Variants in CSMD1 observed in about 807,000 individuals in gnomAD.
The protein encoded by CSMD1 is CUB and sushi domain-containing protein 1.
CSMD1 carries 213 observed loss-of-function variants against 417.5 expected under a neutral mutation model. The observed-to-expected ratio is 0.51, with a 90% CI of 0.46 to 0.57. CSMD1 has a LOEUF of 0.57. Ranked by LOEUF, CSMD1 falls within the 20% of genes least tolerant of loss-of-function variation. The pLI, the probability that CSMD1 is intolerant of heterozygous loss-of-function variation, is 0.00. For missense variants in CSMD1, 6,923 were observed against 4,529.7 expected (o/e 1.53, Z -15.17); for synonymous variants, 2,862 against 1,736.8 (o/e 1.65, Z -16.11).
chr8:4,891,003 A>T (rs1804084360), intron 1 of CSMD1, among the ~76,000 whole-genome samples: 1 of 152,042 alleles, frequency 6.6e-6, no homozygotes, highest in Admixed American at 6.5e-5. Flanking sequence ...TTCAATCAAG[A>T]CCTCTCCAAA....
At chr8:3,747,612 G>T (rs1797124232) in intron 6 of CSMD1, among the ~76,000 whole-genome samples, 1 of 151,812 alleles carries the variant, frequency 6.6e-6, no homozygotes, top group East Asian at 1.9e-4. Flanking sequence ...GAACATTTAG[G>T]TGATTCTCAG....
At chr8:4,393,894 A>G (rs1020416197) in intron 3 of CSMD1, among the ~76,000 whole-genome samples, 3 of 152,208 alleles carry the variant, frequency 2.0e-5, no homozygotes, top group African/African-American at 7.2e-5. Flanking sequence ...CATATGAAAT[A>G]TACCTTTCCA....
intron 3 of CSMD1, among the ~76,000 whole-genome samples, chr8:4,225,917 A>T (rs948267748): frequency 6.6e-6 from 1 of 152,170 alleles, no homozygotes; most frequent in African/African-American, 2.4e-5. Flanking sequence ...ATTGTCTAAT[A>T]ATTTCTTATT....
At position 4,035,126 on chromosome 8, in the gene CSMD1, G is replaced by A. The variant is rs916303076; in HGVS notation, c.416-3027C>T. On this transcript the variant is annotated intron_variant, in intron 3 of 69. Transcript: ENST00000635120. ...GTGAGCTGCCTAACAACAGCTCAATGATACGACTCATATACAACATCGGTC... is the reference window on the plus strand; with the variant it reads ...GTGAGCTGCCTAACAACAGCTCAATAATACGACTCATATACAACATCGGTC... 7.2e-5 allele frequency among the ~76,000 whole-genome samples: 11 copies of A among 152,172 alleles called. No individual in the cohort carries two copies. In the South Asian group the frequency reaches 8.3e-4, roughly 11 times the overall value.
At chr8:3,646,129 G>A (rs1465519748) in intron 7 of CSMD1, among the ~76,000 whole-genome samples, 1 of 151,278 alleles carries the variant, frequency 6.6e-6, no homozygotes. Flanking sequence ...TTTGAAGAAT[G>A]CTTATTAACA....
intron 3 of CSMD1, among the ~76,000 whole-genome samples, chr8:4,278,372 T>C (rs1022230568): frequency 2.6e-5 from 4 of 152,192 alleles, no homozygotes. Context: ...ACTGAAACTA[T>C]AAAATTATCA....
intron 2 of CSMD1, among the ~76,000 whole-genome samples, chr8:4,447,608 C>T (rs1376339779): frequency 6.6e-6 from 1 of 152,164 alleles, no homozygotes; most frequent in Non-Finnish European, 1.5e-5. Flanking sequence ...GTAATACTTC[C>T]CACTTGACTA....
At chr8:3,689,576 G>T (rs998521472) in intron 7 of CSMD1, among the ~76,000 whole-genome samples, 4 of 152,104 alleles carry the variant, frequency 2.6e-5, no homozygotes, top group African/African-American at 9.7e-5. Flanking sequence ...ATTCACCTAA[G>T]GACAGTTCAG....
intron 1 of CSMD1, among the ~76,000 whole-genome samples, chr8:4,733,758 A>T (rs1478466566): frequency 6.6e-6 from 1 of 152,232 alleles, no homozygotes; most frequent in Admixed American, 6.5e-5. Context: ...TGGTAAACAA[A>T]GAAACAAACT....
intron 3 of CSMD1, among the ~76,000 whole-genome samples, chr8:4,324,245 A>C (rs1242391833): frequency 6.6e-6 from 1 of 152,230 alleles, no homozygotes; most frequent in Non-Finnish European, 1.5e-5. Context: ...CCCTACACCA[A>C]GAATGTGAGT....
At chr8:2,967,632 G>A (rs1384208086) in intron 57 of CSMD1, among the ~76,000 whole-genome samples, 3 of 152,132 alleles carry the variant, frequency 2.0e-5, no homozygotes, top group Non-Finnish European at 4.4e-5. Flanking sequence ...GGTAAATAAA[G>A]GAAGTGACCC....
At chr8:2,993,512 C>A (rs946429995) in intron 54 of CSMD1, among the ~76,000 whole-genome samples, 18 of 152,178 alleles carry the variant, frequency 1.2e-4, no homozygotes, top group African/African-American at 4.1e-4. Flanking sequence ...CAGATGCCAA[C>A]TGGATCTACT....
At position 4,973,655 on chromosome 8, in the gene CSMD1, T is replaced by C. The variant is rs930774336; in HGVS notation, c.85+20677A>G. On this transcript the variant is annotated intron_variant, in intron 1 of 69. Transcript: ENST00000635120. ...TCCAAATGCCATTAAGTACACTCTA[T>C]TGAAGAATAATACCCATTCATTATC... is the stretch of plus-strand genomic sequence containing the variant. Among the ~76,000 whole-genome samples, 42 of 152,178 alleles carry C rather than the reference T, an allele frequency of 2.8e-4. 1 individual carries two copies. The highest frequency in any genetic ancestry group is 1.0e-3 in the Admixed American group (16 of 15,272).
chr8:3,038,385 T>C (rs916114751), intron 50 of CSMD1, among the ~76,000 whole-genome samples: 3 of 152,220 alleles, frequency 2.0e-5, no homozygotes, highest in African/African-American at 7.2e-5. Flanking sequence ...GTATGACTGA[T>C]CCAAGCATAG....
At chr8:3,008,160 G>A (rs529834191) in intron 52 of CSMD1, among the ~76,000 whole-genome samples, 63 of 152,268 alleles carry the variant, frequency 4.1e-4, no homozygotes, top group African/African-American at 1.2e-3. Flanking sequence ...AGAGTATGTC[G>A]CAAGCAAAAT....
chr8:3,894,804 T>G (rs901577893), intron 5 of CSMD1, among the ~76,000 whole-genome samples: 1 of 152,214 alleles, frequency 6.6e-6, no homozygotes, highest in Non-Finnish European at 1.5e-5. Flanking sequence ...AATATTTAGG[T>G]GCTCTAATTC....
intron 5 of CSMD1, among the ~76,000 whole-genome samples, chr8:3,981,987 C>T (rs1248591469): frequency 2.6e-5 from 4 of 151,764 alleles, no homozygotes; most frequent in East Asian, 3.9e-4. Context: ...CTGGCTAACA[C>T]GGTGAAACCC....
chr8:4,815,764 A>G (rs1799172026), intron 1 of CSMD1, among the ~76,000 whole-genome samples: 1 of 151,770 alleles, frequency 6.6e-6, no homozygotes, highest in East Asian at 1.9e-4. Context: ...AGTTTATATA[A>G]TAAACACATT....
chr8:4,267,712 T>C (rs896416489), intron 3 of CSMD1, among the ~76,000 whole-genome samples: 3 of 152,114 alleles, frequency 2.0e-5, no homozygotes, highest in African/African-American at 4.8e-5. Flanking sequence ...CTTTACATCC[T>C]CACCAAAGTT....
Sources: allele counts gnomAD v4.1 joint callset (sites outside exome capture counted in the v4.1 genomes callset), GRCh38; gene constraint gnomAD v4.1.1; transcripts MANE v1.5; gene names NCBI Gene and HGNC (gene_info 2026-07-23, HGNC 2026-07-21).